RBFOX1: variants seen among roughly 807,000 people sequenced by gnomAD.
RBFOX1 encodes RNA binding protein fox-1 homolog 1.
RBFOX1 carries 8 observed loss-of-function variants against 57.7 expected under a neutral mutation model. The ratio of observed to expected loss-of-function variants is 0.14; its 90% CI spans 0.08 to 0.25. The LOEUF is 0.25. Ranked by LOEUF, RBFOX1 falls within the 10% of genes least tolerant of loss-of-function variation. RBFOX1 has a pLI of 1.00. For missense variants in RBFOX1, 611 were observed against 548.5 expected, an observed-to-expected ratio of 1.11 and a Z score of -1.14; for synonymous variants, 326 against 222.4, an observed-to-expected ratio of 1.47 and a Z score of -4.15.
chr16:7,589,451 C>A (rs960002727), intron 7 of RBFOX1, among the ~76,000 whole-genome samples: 2 of 151,970 alleles, frequency 1.3e-5, no homozygotes, highest in African/African-American at 2.4e-5. Flanking sequence ...AGGAAAAAGA[C>A]CATTTAAGTT....
At chr16:5,359,272 G>C (rs1340323036) in intron 1 of RBFOX1, among the ~76,000 whole-genome samples, 1 of 152,174 alleles carries the variant, frequency 6.6e-6, no homozygotes, top group Non-Finnish European at 1.5e-5. Flanking sequence ...GCTGTACCTG[G>C]CATGAGAGTG....
chr16:6,702,137 A>G (rs1334327591), intron 3 of RBFOX1, among the ~76,000 whole-genome samples: 1 of 152,236 alleles, frequency 6.6e-6, no homozygotes, highest in Non-Finnish European at 1.5e-5. Context: ...ATCACTCATT[A>G]CAGCAGGGAC....
rs545548364 is a variant in RBFOX1, at chr16:6,892,932, G to T, written c.-15-159125G>T. 4.8e-4 allele frequency among the ~76,000 whole-genome samples: 73 copies of T among 152,164 alleles called. 1 individual carries two copies. The highest frequency in any genetic ancestry group is 2.2e-3 in the Admixed American group (34 of 15,266). ...CTTTGCTCCTCAGCTATTCTTGCGT[G>T]TGTGGCGCTGGCTCCTGCTCTGCTT... On this transcript the variant is annotated intron_variant, in intron 3 of 15. Coordinates refer to ENST00000550418, the MANE Select transcript of RBFOX1 (RefSeq NM_018723.4).
rs1166469549 is a variant in RBFOX1 at position 6,455,740 on chromosome 16, TG to T, written c.-64+138685del. ...CAGGAATGGAGGGGGTCGTTGCAGC[TG>T]GTAATGACCGTATTTGCTTTTATTG... On this transcript the variant is annotated intron_variant, in intron 2 of 15. Transcript: ENST00000550418. 2.0e-5 allele frequency among the ~76,000 whole-genome samples: 3 copies of T among 152,186 alleles called. No individual in the cohort carries two copies. The East Asian group carries it at 5.8e-4, about 29-fold the overall frequency.
At chr16:5,876,003 C>G (rs1265415541) in intron 4 of RBFOX1, among the ~76,000 whole-genome samples, 1 of 151,986 alleles carries the variant, frequency 6.6e-6, no homozygotes, top group African/African-American at 2.4e-5. Context: ...GACAGCACAC[C>G]CAGCTAATTT....
chr16:5,485,412 G>A (rs901246465), intron 2 of RBFOX1, among the ~76,000 whole-genome samples: 4 of 145,528 alleles, frequency 2.7e-5, no homozygotes, highest in African/African-American at 1.0e-4. Flanking sequence ...GACTCTCCAA[G>A]TGCATGCATA....
chr16:6,316,889 G>C (rs182431628), intron 1 of RBFOX1, 106 bp from the exon 2 acceptor site: 1 of 776,992 alleles, frequency 1.3e-6, no homozygotes, highest in East Asian at 2.7e-5. Context: ...AATATAGTCA[G>C]AACCTATTTT....
chr16:5,864,932 T>C (rs1369277508), intron 3 of RBFOX1, among the ~76,000 whole-genome samples: 2 of 152,230 alleles, frequency 1.3e-5, no homozygotes, highest in African/African-American at 4.8e-5. Flanking sequence ...TTTTAAAAAA[T>C]GTATTTCTGT....
At chr16:6,301,957 G>A (rs754177996) in intron 1 of RBFOX1, among the ~76,000 whole-genome samples, 2 of 152,206 alleles carry the variant, frequency 1.3e-5, no homozygotes, top group Admixed American at 6.5e-5. Flanking sequence ...GTCTGTAAAT[G>A]CCCCAATATC....
intron 2 of RBFOX1, among the ~76,000 whole-genome samples, chr16:6,543,683 G>T (rs2096855713): frequency 6.6e-6 from 1 of 152,096 alleles, no homozygotes; most frequent in African/African-American, 2.4e-5. Context: ...GGAGGAGAGA[G>T]GAGAACCTAC....
chr16:5,913,019 G>A (rs1485871398), intron 4 of RBFOX1, among the ~76,000 whole-genome samples: 1 of 152,184 alleles, frequency 6.6e-6, no homozygotes, highest in East Asian at 1.9e-4. Flanking sequence ...GAAGACCCAA[G>A]TCTAAGTTCA....
intron 1 of RBFOX1, among the ~76,000 whole-genome samples, chr16:6,291,369 G>T (rs933604143): frequency 6.6e-6 from 1 of 152,146 alleles, no homozygotes; most frequent in Non-Finnish European, 1.5e-5. Context: ...TCTTGCTGGG[G>T]TTAGATGATA....
intron 2 of RBFOX1, among the ~76,000 whole-genome samples, chr16:6,499,141 T>G (rs1056830846): frequency 6.6e-6 from 1 of 152,208 alleles, no homozygotes; most frequent in Non-Finnish European, 1.5e-5. Context: ...AGCCTTTGTT[T>G]ACTGTGGAAG....
intron 4 of RBFOX1, among the ~76,000 whole-genome samples, chr16:7,084,290 GA>G (rs1337517741): frequency 3.4e-4 from 51 of 152,074 alleles, no homozygotes; most frequent in African/African-American, 1.1e-3. Flanking sequence ...ATATATGTAT[GA>G]AATACATATA....
At chr16:6,869,278 C>T (rs574431096) in intron 3 of RBFOX1, among the ~76,000 whole-genome samples, 2 of 152,134 alleles carry the variant, frequency 1.3e-5, no homozygotes, top group Non-Finnish European at 2.9e-5. Context: ...CTCATAAGAA[C>T]CTTATCAAGT....
intron 2 of RBFOX1, among the ~76,000 whole-genome samples, chr16:5,557,703 AG>A (rs757719323): frequency 6.6e-6 from 1 of 152,204 alleles, no homozygotes; most frequent in South Asian, 2.1e-4. Context: ...GACAGGGAAC[AG>A]GGAACTACTT....
rs187077223 is a variant in RBFOX1 at position 6,970,074 on chromosome 16, A to T, written c.-15-81983A>T. On this transcript the variant is annotated intron_variant, in intron 3 of 15. Transcript: ENST00000550418. Reference sequence around the variant, plus strand: ...ACACCTGTAGTTCCAGCTACTTGGGAGGCTGAGGCAGGAAGATGATTTGAG... The same window carrying T: ...ACACCTGTAGTTCCAGCTACTTGGGTGGCTGAGGCAGGAAGATGATTTGAG... 1.4e-3 allele frequency among the ~76,000 whole-genome samples: 206 copies of T among 152,220 alleles called. 2 individuals are homozygous for T. Among genetic ancestry groups the T allele is most frequent in the African/African-American group, 4.3e-3 (177 of 41,540 alleles).
chr16:6,243,097 T>G (rs932798479), intron 1 of RBFOX1, among the ~76,000 whole-genome samples: 1 of 152,072 alleles, frequency 6.6e-6, no homozygotes, highest in Non-Finnish European at 1.5e-5. Context: ...TCTTATGATA[T>G]TCTTATTAGT....
In RBFOX1 at chr16:6,790,215, C is replaced by T. The variant is rs893529043; in HGVS notation, c.-16+135565C>T. Among the ~76,000 whole-genome samples the T allele has an allele frequency of 2.9e-4, 27 of 92,942 alleles. 1 individual carries two copies. In the Middle Eastern group the frequency reaches 0.014, roughly 49 times the overall value. The allele number at this position is 92,942 out of a possible 152,430, so 61.0% of individuals were successfully genotyped here. ...TTATTATTATTTTATGACAGACTCT[C>T]GCTCTGTCAGCCAGGCTGGAATGCA... On this transcript the variant is annotated intron_variant, in intron 3 of 15. Coordinates refer to ENST00000550418, the MANE Select transcript of RBFOX1 (RefSeq NM_018723.4).
Sources: gnomAD v4.1 joint callset for allele counts (sites outside exome capture counted in the v4.1 genomes callset) on GRCh38, gnomAD v4.1.1 for gene constraint, MANE v1.5 for transcripts, NCBI Gene and HGNC (gene_info 2026-07-23, HGNC 2026-07-21) for gene names.